The following UBA6 variants were observed in gnomAD, a reference collection of about 807,000 sequenced individuals.
The protein encoded by UBA6 is ubiquitin-like modifier-activating enzyme 6.
A neutral mutation model predicts 148.3 loss-of-function variants in UBA6; 87 were observed. That is an observed-to-expected ratio of 0.59 (90% confidence interval 0.49 to 0.70). The LOEUF (loss-of-function observed/expected upper bound fraction) is 0.70. Ranked by LOEUF, UBA6 falls within the 30% of genes least tolerant of loss-of-function variation. The pLI is 0.00. For synonymous variants in UBA6, 376 were observed against 401.0 expected (o/e 0.94, Z 0.75); for missense variants, 1,186 against 1,241.2 (o/e 0.96, Z 0.67).
At chr4:67,621,109 T>C (rs998866559) in intron 32 of UBA6, among the ~76,000 whole-genome samples, 3 of 152,226 alleles carry the variant, frequency 2.0e-5, no homozygotes, top group Middle Eastern at 3.2e-3. Flanking sequence ...TCAATACACT[T>C]TATGATCACG....
At chr4:67,682,023 T>G (rs1730452535) in intron 3 of UBA6, 96 bp downstream of exon 3, 2 of 900,290 alleles carry the variant, frequency 2.2e-6, no homozygotes, top group Non-Finnish European at 1.8e-6. Context: ...TGGATCTAAC[T>G]TCCTTTATAG....
chr4:67,665,792 C>G (rs1281949694), intron 9 of UBA6, among the ~76,000 whole-genome samples: 1 of 151,818 alleles, frequency 6.6e-6, no homozygotes, highest in Non-Finnish European at 1.5e-5. Context: ...GGGAGAATAC[C>G]TATTGCAAAT....
chr4:67,673,884 A>G, intron 6 of UBA6, 107 bp from the exon 7 acceptor site: 2 of 609,042 alleles, frequency 3.3e-6, no homozygotes, highest in Admixed American at 2.7e-5. Flanking sequence ...ACACATCGCT[A>G]ATCTCATTGA....
intron 2 of UBA6, among the ~76,000 whole-genome samples, chr4:67,685,737 T>C (rs1265166024): frequency 6.6e-6 from 1 of 152,134 alleles, no homozygotes; most frequent in Non-Finnish European, 1.5e-5. Context: ...GGTTTCATTA[T>C]TGTGGGAGTG....
intron 13 of UBA6, 177 bp downstream of exon 13, chr4:67,662,012 T>G: frequency 1.8e-6 from 1 of 547,182 alleles, no homozygotes; most frequent in Middle Eastern, 4.6e-4. Flanking sequence ...AATAACCCTA[T>G]GAAGGTAGGT....
chr4:67,692,251 C>T (rs755944341), intron 2 of UBA6, among the ~76,000 whole-genome samples: 23 of 152,034 alleles, frequency 1.5e-4, no homozygotes, highest in African/African-American at 3.4e-4. Context: ...AGTTTCTAGA[C>T]GCCATAAGGA....
At chr4:67,664,407 G>A (rs1729940065) in intron 10 of UBA6, among the ~76,000 whole-genome samples, 1 of 151,620 alleles carries the variant, frequency 6.6e-6, no homozygotes. Context: ...AGATATGCAG[G>A]AGCACATCTG....
chr4:67,643,747 T>C (rs916509551), intron 17 of UBA6, among the ~76,000 whole-genome samples: 1 of 152,070 alleles, frequency 6.6e-6, no homozygotes, highest in Non-Finnish European at 1.5e-5. Context: ...TAGAAGCATG[T>C]CCACATTAAC....
intron 11 of UBA6, 130 bp downstream of exon 11, chr4:67,663,755 T>C (rs1348473549): frequency 1.4e-6 from 1 of 710,646 alleles, no homozygotes; most frequent in Admixed American, 2.4e-5. Context: ...GTATAACCTT[T>C]ATTATACTCA....
intron 15 of UBA6, 129 bp from the exon 16 acceptor site, chr4:67,646,145 T>A: frequency 2.1e-6 from 1 of 465,924 alleles, no homozygotes; most frequent in Non-Finnish European, 3.6e-6. Flanking sequence ...TAACCAATCT[T>A]AATTGAAAAA....
intron 4 of UBA6, among the ~76,000 whole-genome samples, chr4:67,680,640 AG>A (rs1392137612): frequency 6.6e-6 from 1 of 152,232 alleles, no homozygotes; most frequent in Non-Finnish European, 1.5e-5. Flanking sequence ...TGTGGTAGAC[AG>A]GCTTTTAAGA....
At chr4:67,621,458 A>G (rs893255892) in intron 32 of UBA6, among the ~76,000 whole-genome samples, 22 of 152,234 alleles carry the variant, frequency 1.4e-4, no homozygotes, top group African/African-American at 5.3e-4. Context: ...GATCAAATAA[A>G]GATTCCCACT....
At chr4:67,639,844 C>G (rs1472533517) in intron 18 of UBA6, among the ~76,000 whole-genome samples, 1 of 152,126 alleles carries the variant, frequency 6.6e-6, no homozygotes, top group Non-Finnish European at 1.5e-5. Context: ...TGGTCTCTCC[C>G]TCTCAAAATA....
intron 7 of UBA6, among the ~76,000 whole-genome samples, chr4:67,672,776 C>G (rs1157423217): frequency 6.6e-6 from 1 of 152,090 alleles, no homozygotes; most frequent in Non-Finnish European, 1.5e-5. Flanking sequence ...TGAATGCCTT[C>G]CCCCAGATCT....
chr4:67,659,788 A>G (rs1356948286), intron 13 of UBA6, among the ~76,000 whole-genome samples: 2 of 152,090 alleles, frequency 1.3e-5, no homozygotes, highest in Non-Finnish European at 2.9e-5. Flanking sequence ...GAGGGCTCGT[A>G]AGAAAGGAAG....
At chr4:67,657,208 A>T (rs906059741) in intron 13 of UBA6, among the ~76,000 whole-genome samples, 3 of 152,248 alleles carry the variant, frequency 2.0e-5, no homozygotes, top group Non-Finnish European at 4.4e-5. Context: ...GAACCACAAA[A>T]GAGCCTGCAT....
At chr4:67,657,335 A>C (rs1471476008) in intron 13 of UBA6, among the ~76,000 whole-genome samples, 5 of 152,238 alleles carry the variant, frequency 3.3e-5, no homozygotes, top group African/African-American at 9.7e-5. Flanking sequence ...CAGAACAGAC[A>C]TAGAGACCAA....
At chr4:67,663,633 T>C (rs1729918336) in intron 11 of UBA6, 3 of 481,486 alleles carry the variant, frequency 6.2e-6, no homozygotes, top group Non-Finnish European at 1.1e-5. Flanking sequence ...CTTATAATTA[T>C]CAAAGTTGGC....
Position 67,668,562 on chromosome 4 carries a change from T to C in UBA6, c.782A>G (p.Gln261Arg), listed in dbSNP as rs748869027. ...NGMTGLNGSIQQITVISPFSF... is the reference protein window; with the variant it reads ...NGMTGLNGSIRQITVISPFSF... Reference sequence around the variant, plus strand: ...ACACATTGACTTACCCGTTATTTGTTGTATAGATCCATTTAAACCTGTCAT... The same window carrying C: ...ACACATTGACTTACCCGTTATTTGTCGTATAGATCCATTTAAACCTGTCAT... The change falls in exon 9 of 33, where the codon CAA becomes CGA. Residue 261 changes from glutamine to arginine, a missense_variant. Gln to Arg is a conservative substitution (Grantham distance 43). Transcript: ENST00000322244. 5.6e-6 allele frequency: 9 copies of C among 1,610,612 alleles called. No homozygotes were observed. The highest frequency in any genetic ancestry group is 1.3e-5 in the African/African-American group (1 of 74,810).
Sources: allele counts gnomAD v4.1 joint callset (sites outside exome capture counted in the v4.1 genomes callset), GRCh38; gene constraint gnomAD v4.1.1; transcripts MANE v1.5; gene names NCBI Gene and HGNC (gene_info 2026-07-23, HGNC 2026-07-21).